The following FAF2 variants were observed in gnomAD, a reference collection of about 807,000 sequenced individuals.
FAF2 encodes FAS-associated factor 2.
Under a neutral mutation model 62.3 loss-of-function variants are expected in FAF2, and 9 were observed. That is an observed-to-expected ratio of 0.14 (90% CI 0.09 to 0.25). The LOEUF (loss-of-function observed/expected upper bound fraction) is 0.25, where lower values mean the gene tolerates loss of function less well. Ranked by LOEUF, FAF2 falls within the 10% of genes least tolerant of loss-of-function variation. The pLI, the probability that FAF2 is intolerant of heterozygous loss-of-function variation, is 1.00. For synonymous variants in FAF2, 202 were observed against 198.0 expected (o/e 1.02, Z -0.17); for missense variants, 368 against 556.2 (o/e 0.66, Z 3.40).
rs1275260605 is a variant in FAF2 at position 176,486,426 on chromosome 5, C to T, written c.204C>T (p.Pro68=). 2 of 1,614,112 alleles carry T rather than the reference C, an allele frequency of 1.2e-6. No homozygotes were observed. Among genetic ancestry groups the T allele is most frequent in the Admixed American group, 1.7e-5 (1 of 60,012 alleles). ...TTTTCAACCCACCTCCATCACGACCCCTGCAGGTTAATACAGCTGACCACA... is the reference window on the plus strand; with the variant it reads ...TTTTCAACCCACCTCCATCACGACCTCTGCAGGTTAATACAGCTGACCACA... ...PSVFNPPPSR[P]LQVNTADHRI... The change falls in exon 3 of 11, where the codon CCC becomes CCT. Residue 68 remains proline, a synonymous_variant. Transcript: ENST00000261942.
chr5:176,483,291 T>C (rs1758814842), intron 2 of FAF2, among the ~76,000 whole-genome samples: 1 of 152,198 alleles, frequency 6.6e-6, no homozygotes, highest in Admixed American at 6.5e-5. Context: ...CTTTTTTCTT[T>C]TGTCGCGTGT....
chr5:176,448,597 CCA>C, intron 1 of FAF2, 127 bp downstream of exon 1: 2 of 930,756 alleles, frequency 2.1e-6, no homozygotes, highest in Non-Finnish European at 3.2e-6. Context: ...CCCCTCCCCC[CCA>C]GACTCCAACT....
chr5:176,466,612 TG>T (rs1367581547), intron 1 of FAF2, among the ~76,000 whole-genome samples: 2 of 152,250 alleles, frequency 1.3e-5, no homozygotes, highest in African/African-American at 2.4e-5. Context: ...TTATTGTTTG[TG>T]ATACCTTCTT....
intron 1 of FAF2, 60 bp from the exon 2 acceptor site, chr5:176,479,128 A>G: frequency 7.3e-7 from 1 of 1,361,354 alleles, no homozygotes; most frequent in Non-Finnish European, 1.1e-6. Context: ...TGGCGTAAAA[A>G]TACTCACACG....
chr5:176,489,292 TCC>T lies in FAF2; in HGVS notation c.344+273_344+274del, dbSNP rs3842082. Among the ~76,000 whole-genome samples, 161 of 141,090 alleles carry T rather than the reference TCC, an allele frequency of 1.1e-3. 2 individuals carry two copies. In the East Asian group the frequency reaches 0.027, roughly 24 times the overall value. The allele number at this position is 141,090 out of a possible 152,430, so 92.6% of individuals were successfully genotyped here. ...CTGACTATATTTATTTGTCTCCCCCTCCCCCCCCCACCATATTTGTCACCTCT... is the reference window on the plus strand; with the variant it reads ...CTGACTATATTTATTTGTCTCCCCCTCCCCCCCACCATATTTGTCACCTCT... On this transcript the variant is annotated intron_variant, in intron 4 of 10. Transcript: ENST00000261942.
chr5:176,494,203 G>A lies in FAF2; in HGVS notation c.589G>A (p.Glu197Lys). ...EFCRNTLCAP[E>K]VISLINTRML... ...CCACAGCAACACACTCTGTGCACCTGAAGTTATTTCACTAATAAACACTAG... is the reference window on the plus strand; with the variant it reads ...CCACAGCAACACACTCTGTGCACCTAAAGTTATTTCACTAATAAACACTAG... Residue 197 changes from glutamate (E) to lysine (K), a missense_variant, in exon 7 of 11, where the codon GAA (glutamate) becomes AAA (lysine). Around this residue, in one of 2 missense-constraint regions of FAF2, gnomAD observed 331 missense variants for 441.9 expected, o/e 0.75. Coordinates refer to ENST00000261942, the MANE Select transcript of FAF2 (RefSeq NM_014613.3). The surrounding 1 kb of genome is among the most constrained non-coding windows in gnomAD (Gnocchi z 4.0). 3 of 1,614,118 alleles carry A rather than the reference G, an allele frequency of 1.9e-6. No individual in the cohort carries two copies. Among genetic ancestry groups the A allele is most frequent in the Non-Finnish European group, 2.5e-6 (3 of 1,180,002 alleles).
intron 10 of FAF2, 59 bp downstream of exon 10, chr5:176,500,205 T>C: frequency 1.3e-6 from 2 of 1,525,392 alleles, no homozygotes; most frequent in Non-Finnish European, 1.8e-6. Context: ...GATTTGGAGC[T>C]TTTACTGACT....
chr5:176,477,873 T>C (rs1039935567), intron 1 of FAF2, among the ~76,000 whole-genome samples: 2 of 152,220 alleles, frequency 1.3e-5, no homozygotes, highest in African/African-American at 4.8e-5. Context: ...CAGTCCATAC[T>C]ACTACATTCT....
chr5:176,485,139 C>G (rs548796556), intron 2 of FAF2, among the ~76,000 whole-genome samples: 14 of 152,154 alleles, frequency 9.2e-5, no homozygotes, highest in Non-Finnish European at 2.1e-4. Flanking sequence ...TGACAGCATT[C>G]AAGTTCGGTA....
chr5:176,483,063 T>A (rs1277469172), intron 2 of FAF2, among the ~76,000 whole-genome samples: 6 of 151,802 alleles, frequency 4.0e-5, no homozygotes, highest in Admixed American at 3.9e-4. Flanking sequence ...TTATTTATTT[T>A]ATTTTTTTTG....
intron 1 of FAF2, among the ~76,000 whole-genome samples, chr5:176,459,911 G>T (rs760009309): frequency 6.6e-6 from 1 of 151,938 alleles, no homozygotes; most frequent in Non-Finnish European, 1.5e-5. Flanking sequence ...GTAGTCCTCA[G>T]TGTCTATTGT....
intron 2 of FAF2, among the ~76,000 whole-genome samples, chr5:176,481,664 AAAAG>A (rs1758786385): frequency 6.6e-6 from 1 of 151,822 alleles, no homozygotes; most frequent in African/African-American, 2.4e-5. Context: ...CTCAAAAAAA[AAAAG>A]GGAGAGAGAG....
chr5:176,470,349 G>A (rs544648021), intron 1 of FAF2, among the ~76,000 whole-genome samples: 6 of 152,320 alleles, frequency 3.9e-5, no homozygotes, highest in East Asian at 1.9e-4. Flanking sequence ...AGGCCGAGGC[G>A]GGCGGATCAC....
chr5:176,479,133 C>T, intron 1 of FAF2, 55 bp from the exon 2 acceptor site: 4 of 1,392,332 alleles, frequency 2.9e-6, no homozygotes, highest in Non-Finnish European at 4.1e-6. Context: ...TAAAAATACT[C>T]ACACGTATAC....
At chr5:176,466,243 C>T (rs1425670332) in intron 1 of FAF2, among the ~76,000 whole-genome samples, 1 of 152,202 alleles carries the variant, frequency 6.6e-6, no homozygotes, top group Non-Finnish European at 1.5e-5. Flanking sequence ...ATTTCTCCTG[C>T]TACTATCAGA....
chr5:176,473,858 C>T lies in FAF2; in HGVS notation c.64-5330C>T, dbSNP rs547657427. ...GCCTCAAGCAGTCCTCCCACCTTGG[C>T]TTCCCAAAGTGTTAGGATTACAGGC... On this transcript the variant is annotated intron_variant, in intron 1 of 10. Coordinates refer to ENST00000261942, the MANE Select transcript of FAF2 (RefSeq NM_014613.3). 3.0e-4 allele frequency among the ~76,000 whole-genome samples: 46 copies of T among 152,290 alleles called. 1 individual carries two copies. In the South Asian group the frequency reaches 6.0e-3, roughly 20 times the overall value.
At chr5:176,485,330 A>G (rs7708363) in intron 2 of FAF2, among the ~76,000 whole-genome samples, 26,435 of 152,150 alleles carry the variant, frequency 0.17, 2,358 homozygotes, top group African/African-American at 0.18. Context: ...CTTCAAGTCA[A>G]CTGATACCAA....
Position 176,494,107 on chromosome 5 carries a change from TTC to T in FAF2, c.569+27_569+28del. 6.2e-7 allele frequency: 1 copy of T among 1,612,086 alleles called. No homozygotes were observed. Among genetic ancestry groups the T allele is most frequent in the Non-Finnish European group, 8.5e-7 (1 of 1,178,170 alleles). ...TCGGTAAGTGGATTGATTATTTTCC[TTC>T]TCTTTTCTGACTCTTTCTGGTGACA... On this transcript the variant is annotated intron_variant, in intron 6 of 10. Transcript: ENST00000261942. This position sits in a 1 kb window ranked among gnomAD's most constrained non-coding sequence, Gnocchi z 4.0.
chr5:176,461,489 T>G (rs1758377364), intron 1 of FAF2, among the ~76,000 whole-genome samples: 1 of 151,136 alleles, frequency 6.6e-6, no homozygotes, highest in Admixed American at 6.6e-5. Flanking sequence ...GGCTAATTTT[T>G]TTTATTTTAT....
Sources: gnomAD v4.1 joint callset for allele counts (sites outside exome capture counted in the v4.1 genomes callset) on GRCh38, gnomAD v4.1.1 for gene constraint, gnomAD v4.1.1 regional missense constraint, Gnocchi (gnomAD v3.1) non-coding constraint, MANE v1.5 for transcripts, NCBI Gene and HGNC (gene_info 2026-07-23, HGNC 2026-07-21) for gene names.